Variants in MXRA8 observed in about 807,000 individuals in gnomAD.
MXRA8 encodes matrix remodeling-associated protein 8.
Under a neutral mutation model 51.4 loss-of-function variants are expected in MXRA8, and 44 were observed. The observed-to-expected ratio is 0.86, with a 90% CI of 0.67 to 1.10. The LOEUF is 1.10. Ranked by LOEUF, MXRA8 falls within the 50% of genes least tolerant of loss-of-function variation. The pLI, the probability that MXRA8 is intolerant of heterozygous loss-of-function variation, is 0.00. For missense variants in MXRA8, 765 were observed against 638.9 expected (o/e 1.20, Z -2.13); for synonymous variants, 369 against 293.5 (o/e 1.26, Z -2.63).
rs1352735281 is a variant in MXRA8, at chr1:1,354,479, A to G, written c.980T>C (p.Ile327Thr). The change falls in exon 6 of 10, where the codon ATC (isoleucine) becomes ACC (threonine). Residue 327 changes from isoleucine to threonine, a missense_variant. Transcript: ENST00000309212. ...TCGGCTCTCGGGGACGATGACATTG[A>G]TGACGTTGTGGCCGCGCGCCAGTGT... ...DPTLARGHNV[I>T]NVIVPESRAH... 1 of 1,612,334 alleles carries G rather than the reference A, an allele frequency of 6.2e-7. No individual in the cohort carries two copies. The highest frequency in any genetic ancestry group is 8.5e-7 in the Non-Finnish European group (1 of 1,179,796).
At chr1:1,358,981 C>T, upstream of MXRA8, 1 of 985,454 alleles carries the variant, frequency 1.0e-6, no homozygotes, top group South Asian at 4.7e-5. Context: ...AGCGCTGAGA[C>T]CGCCCCCACC....
chr1:1,359,698 G>C (rs533616261), upstream of MXRA8, among the ~76,000 whole-genome samples: 2 of 151,168 alleles, frequency 1.3e-5, no homozygotes, highest in African/African-American at 2.5e-5. Context: ...GACACGGACC[G>C]GCGTAAGGAC....
At position 1,354,717 on chromosome 1, in the gene MXRA8, C is replaced by T; in HGVS notation, c.914G>A (p.Gly305Asp). The change falls in exon 5 of 10, where the codon GGC becomes GAC. Residue 305 changes from glycine (G) to aspartate (D), a missense_variant. Transcript: ENST00000309212. ...HAEPPPRGSP[G>D]NGSSHSGAPG... The stretch of plus-strand genomic sequence containing the variant: ...GGCGCCGCTGTGGCTGGAGCCGTTG[C>T]CCGGAGAGCCCCGGGGGGGCGGCTC... 1 of 1,600,550 alleles carries T rather than the reference C, an allele frequency of 6.2e-7. No individual in the cohort carries two copies. The highest frequency in any genetic ancestry group is 1.3e-5 in the African/African-American group (1 of 74,720).
chr1:1,353,269 G>C lies in MXRA8; in HGVS notation c.*335C>G, dbSNP rs1430720666. Reference sequence around the variant, plus strand: ...GCTGACCCCAGTTTTGGGGCTGCCAGGTTCTGATGGGAGTGTCCTCCAGGA... The same window carrying C: ...GCTGACCCCAGTTTTGGGGCTGCCACGTTCTGATGGGAGTGTCCTCCAGGA... On this transcript the variant is annotated 3_prime_UTR_variant, in exon 10 of 10. Coordinates refer to ENST00000309212, the MANE Select transcript of MXRA8 (RefSeq NM_032348.4). 5 of 1,536,032 alleles carry C rather than the reference G, an allele frequency of 3.3e-6. No individual in the cohort carries two copies. The Admixed American group carries it at 5.9e-5, about 18-fold the overall frequency.
upstream of MXRA8, among the ~76,000 whole-genome samples, chr1:1,360,211 C>T (rs1456823512): frequency 6.6e-5 from 10 of 152,230 alleles, no homozygotes; most frequent in Admixed American, 4.6e-4. Flanking sequence ...GCCACACTTT[C>T]GGGGACCCAG....
At chr1:1,356,750 C>A (rs763759392) in intron 1 of MXRA8, 46 bp from the exon 2 acceptor site, 1 of 1,344,136 alleles carries the variant, frequency 7.4e-7, no homozygotes. Context: ...CAGCCCCACC[C>A]AGCCCCGAGA....
chr1:1,355,344 C>G lies in MXRA8; in HGVS notation c.378G>C (p.Ala126=). The change falls in exon 4 of 10, where the codon GCG becomes GCC. Residue 126 remains alanine (A), a splice_region_variant and synonymous_variant. Coordinates refer to ENST00000309212, the MANE Select transcript of MXRA8 (RefSeq NM_032348.4). ...ACAGCCCCGCGTCCGTCTCCTCCAC[C>G]GCTGCGCACCCAGGAGGAAGCCGCG... ...DDGNFSLLIR[A]VEETDAGLYT... is the part of the protein sequence containing the mutation. The G allele has an allele frequency of 6.4e-7, 1 of 1,573,240 alleles. No homozygotes were observed. Among genetic ancestry groups the G allele is most frequent in the South Asian group, 1.2e-5 (1 of 86,844 alleles).
chr1:1,353,398 C>T lies in MXRA8; in HGVS notation c.*206G>A. On this transcript the variant is annotated 3_prime_UTR_variant, in exon 10 of 10. Transcript: ENST00000309212. Reference sequence around the variant, plus strand: ...AGGGGTGGGCAGGGCCACCCGTGAGCAAAGGCCGCAGGGGTGGGGGCTATG... The same window carrying T: ...AGGGGTGGGCAGGGCCACCCGTGAGTAAAGGCCGCAGGGGTGGGGGCTATG... 1 of 1,536,520 alleles carries T rather than the reference C, an allele frequency of 6.5e-7. No individual in the cohort carries two copies. The highest frequency in any genetic ancestry group is 8.8e-7 in the Non-Finnish European group (1 of 1,139,272).
chr1:1,358,721 C>T, upstream of MXRA8: 1 of 1,378,398 alleles, frequency 7.3e-7, no homozygotes, highest in Non-Finnish European at 9.4e-7. Context: ...GAGCAGAGGC[C>T]CAGCCCCTCA....
At chr1:1,360,080 C>T (rs1460640113), upstream of MXRA8, among the ~76,000 whole-genome samples, 2 of 152,320 alleles carry the variant, frequency 1.3e-5, no homozygotes, top group Admixed American at 6.5e-5. Context: ...GGTTGGCCCT[C>T]GGGTCTGGGA....
At chr1:1,354,157 C>A (rs1235836512) in intron 7 of MXRA8, 36 bp downstream of exon 7, 2 of 1,612,758 alleles carry the variant, frequency 1.2e-6, no homozygotes, top group African/African-American at 1.3e-5. Context: ...TGAAGGGGGC[C>A]CTGGTCCCCA....
chr1:1,355,218 CTG>C, intron 4 of MXRA8, 24 bp downstream of exon 4: 2 of 738,480 alleles, frequency 2.7e-6, no homozygotes, highest in African/African-American at 6.9e-5. Context: ...GGGGCGGGAG[CTG>C]GGGGGCGGGG....
rs1471784707 is a variant in MXRA8 at position 1,358,526 on chromosome 1, T to C, written c.-22A>G. 6.2e-7 allele frequency: 1 copy of C among 1,609,416 alleles called. No individual in the cohort carries two copies. The highest frequency in any genetic ancestry group is 1.3e-5 in the African/African-American group (1 of 74,686). The stretch of plus-strand genomic sequence containing the variant: ...CCATGGCCCCCGCCCAGCCCCAGGC[T>C]TTGTCCCACTCGGCTCTAAGTCTCT... On this transcript the variant is annotated 5_prime_UTR_variant, in exon 1 of 10. Transcript: ENST00000309212.
upstream of MXRA8, among the ~76,000 whole-genome samples, chr1:1,362,811 C>T (rs113438314): frequency 4.7e-4 from 66 of 139,148 alleles, 3 homozygotes; most frequent in African/African-American, 1.7e-3. Context: ...GGGTTGGGCG[C>T]GGTGGCTCAC....
upstream of MXRA8, among the ~76,000 whole-genome samples, chr1:1,360,026 C>T (rs1217559881): frequency 2.0e-5 from 3 of 152,252 alleles, no homozygotes; most frequent in Non-Finnish European, 2.9e-5. Flanking sequence ...TGTTCCCTCT[C>T]TCCCCATGGA....
chr1:1,362,531 G>A (rs1172137910), upstream of MXRA8, among the ~76,000 whole-genome samples: 1 of 151,842 alleles, frequency 6.6e-6, no homozygotes, highest in Non-Finnish European at 1.5e-5. Flanking sequence ...TGTAATCCCA[G>A]CACTTTGGGA....
At position 1,354,059 on chromosome 1, in the gene MXRA8, A is replaced by C; in HGVS notation, c.1193T>G (p.Met398Arg). The C allele has an allele frequency of 6.2e-7, 1 of 1,612,900 alleles. No homozygotes were observed. Among genetic ancestry groups the C allele is most frequent in the Non-Finnish European group, 8.5e-7 (1 of 1,179,996 alleles). ...CTGGATGTCCTCACTCCTGTAAAGC[A>C]TCTGGTCCCCTGCAGCCACAGCGAA... Reference protein sequence around the residue: ...AEFAVAAGDQMLYRSEDIQLD... With the variant: ...AEFAVAAGDQRLYRSEDIQLD... The change falls in exon 8 of 10, where the codon ATG becomes AGG. Residue 398 changes from methionine to arginine, a missense_variant. Physicochemically the swap from Met to Arg is moderately conservative, Grantham distance 91 (BLOSUM62 -1). Coordinates refer to ENST00000309212, the MANE Select transcript of MXRA8 (RefSeq NM_032348.4).
upstream of MXRA8, chr1:1,361,142 GAGA>G: frequency 8.6e-6 from 6 of 698,786 alleles, no homozygotes; most frequent in South Asian, 8.9e-5. Flanking sequence ...CGGACACACA[GAGA>G]AGATACACGG....
chr1:1,363,140 G>A (rs548466242), upstream of MXRA8, among the ~76,000 whole-genome samples: 5 of 152,062 alleles, frequency 3.3e-5, no homozygotes, highest in South Asian at 2.1e-4. Context: ...AAAATTATCC[G>A]GGTGTGGTGG....
Sources: allele counts gnomAD v4.1 joint callset (sites outside exome capture counted in the v4.1 genomes callset), GRCh38; gene constraint gnomAD v4.1.1; transcripts MANE v1.5; gene names NCBI Gene and HGNC (gene_info 2026-07-23, HGNC 2026-07-21).